PCDHGB2: variants seen among roughly 807,000 people sequenced by gnomAD.
PCDHGB2 encodes protocadherin gamma-B2.
PCDHGB2 carries 55 observed loss-of-function variants against 59.3 expected under a neutral mutation model. That is an observed-to-expected ratio of 0.93 (90% CI 0.75 to 1.16). PCDHGB2 has a LOEUF of 1.16. Among genes scored for constraint, PCDHGB2 ranks in the 50% most tolerant of loss-of-function variants. The probability of loss-of-function intolerance (pLI) is 0.00; values close to 1 mark genes in which losing one functional copy is unlikely to be tolerated. For missense variants in PCDHGB2, 1,228 were observed against 1,198.5 expected, an observed-to-expected ratio of 1.02 and a Z score of -0.36; for synonymous variants, 516 against 512.0, an observed-to-expected ratio of 1.01 and a Z score of -0.11.
At position 141,430,830 on chromosome 5, in the gene PCDHGB2, G is replaced by A. The variant is rs754181300; in HGVS notation, c.2422-63977G>A. The stretch of plus-strand genomic sequence containing the variant: ...CTGGGAATCCTCCTGGGGACTCTGT[G>A]GGAGACCGGATGCACCCAGATACGC... On this transcript the variant is annotated intron_variant, in intron 1 of 3. Coordinates refer to ENST00000522605, the MANE Select transcript of PCDHGB2 (RefSeq NM_018923.3). 8 of 1,554,850 alleles carry A rather than the reference G, an allele frequency of 5.1e-6. No homozygotes were observed. The East Asian group carries it at 1.6e-4, about 31-fold the overall frequency.
At chr5:141,439,207 C>A (rs1003519997) in intron 1 of PCDHGB2, among the ~76,000 whole-genome samples, 1 of 149,828 alleles carries the variant, frequency 6.7e-6, no homozygotes, top group Non-Finnish European at 1.5e-5. Context: ...AAAAAAAAAT[C>A]CATATGTGAA....
In PCDHGB2 at chr5:141,419,332, C is replaced by T. The variant is rs1356380695; in HGVS notation, c.2421+56776C>T. On this transcript the variant is annotated intron_variant, in intron 1 of 3. Transcript: ENST00000522605. Reference sequence around the variant, plus strand: ...TCAACGGCCGTGTCTCCTACTCTCTCATTGCCAGCGACCTGGAGTCACGAA... The same window carrying T: ...TCAACGGCCGTGTCTCCTACTCTCTTATTGCCAGCGACCTGGAGTCACGAA... 3.7e-6 allele frequency: 6 copies of T among 1,613,832 alleles called. No individual in the cohort carries two copies. The Admixed American group carries it at 8.3e-5, about 22-fold the overall frequency.
Position 141,361,862 on chromosome 5 carries a change from A to G in PCDHGB2, c.1727A>G (p.Asp576Gly), listed in dbSNP as rs529050420. 1 of 1,611,966 alleles carries G rather than the reference A, an allele frequency of 6.2e-7. No individual in the cohort carries two copies. Among genetic ancestry groups the G allele is most frequent in the East Asian group, 2.2e-5 (1 of 44,858 alleles). Residue 576 changes from aspartate (D) to glycine (G), a missense_variant, in exon 1 of 4, where the codon GAT becomes GGT. Around this residue, in one of 3 missense-constraint regions of PCDHGB2, gnomAD observed 14 missense variants for 35.2 expected, o/e 0.40. Transcript: ENST00000522605. ...ALGPDGSALF[D>G]MVPRAAEPGY... ...GGGCCTGATGGCTCCGCCCTCTTCGATATGGTGCCACGCGCCGCAGAGCCC... is the reference window on the plus strand; with the variant it reads ...GGGCCTGATGGCTCCGCCCTCTTCGGTATGGTGCCACGCGCCGCAGAGCCC...
At position 141,494,787 on chromosome 5, in the gene PCDHGB2, T is replaced by G. The variant is rs763990551; in HGVS notation, c.2422-20T>G. The G allele has an allele frequency of 6.2e-7, 1 of 1,614,044 alleles. No individual in the cohort carries two copies. Among genetic ancestry groups the G allele is most frequent in the Non-Finnish European group, 8.5e-7 (1 of 1,179,990 alleles). On this transcript the variant is annotated intron_variant, in intron 1 of 3. Transcript: ENST00000522605. ...ACTTCTCACGGGTACTCAGCCCCTT[T>G]CCCTCTGTTTTCTCCACAGCAAGCC...
intron 1 of PCDHGB2, chr5:141,405,012 C>T (rs748403581): frequency 1.2e-6 from 2 of 1,614,018 alleles, no homozygotes; most frequent in Non-Finnish European, 8.5e-7. Context: ...CTGGAGGCCT[C>T]AGACCTTACC....
intron 1 of PCDHGB2, chr5:141,475,997 G>T: frequency 8.4e-7 from 1 of 1,184,406 alleles, no homozygotes; most frequent in Non-Finnish European, 1.2e-6. Flanking sequence ...CAAATCAACG[G>T]CATCCAGAAA....
chr5:141,386,009 G>T (rs956571005), intron 1 of PCDHGB2: 7 of 152,222 alleles, frequency 4.6e-5, no homozygotes, highest in Non-Finnish European at 8.8e-5. Context: ...CATTTTAAGT[G>T]TTGTAATTGG....
intron 1 of PCDHGB2, chr5:141,366,233 A>T (rs1354193643): frequency 6.2e-7 from 1 of 1,613,792 alleles, no homozygotes; most frequent in Admixed American, 1.7e-5. Flanking sequence ...CCTGCTGGAC[A>T]GAGACGCGCT....
At chr5:141,408,747 T>C (rs1589683971) in intron 1 of PCDHGB2, 1 of 1,609,868 alleles carries the variant, frequency 6.2e-7, no homozygotes, top group Non-Finnish European at 8.5e-7. Flanking sequence ...TCATTAATGG[T>C]TAGAGTTAAT....
intron 1 of PCDHGB2, chr5:141,405,448 C>A: frequency 5.3e-6 from 7 of 1,314,660 alleles, no homozygotes; most frequent in South Asian, 1.3e-5. Context: ...GAGACAGAGT[C>A]TTACTCTGTT....
At chr5:141,445,838 A>T (rs1302150397) in intron 1 of PCDHGB2, among the ~76,000 whole-genome samples, 1 of 152,218 alleles carries the variant, frequency 6.6e-6, no homozygotes, top group South Asian at 2.1e-4. Flanking sequence ...GAGCCTTGTA[A>T]ATCACACTTA....
At chr5:141,376,477 T>C (rs550916604) in intron 1 of PCDHGB2, 1 of 1,614,200 alleles carries the variant, frequency 6.2e-7, no homozygotes, top group African/African-American at 1.3e-5. Context: ...AGGATTTACT[T>C]GAAACGAAAG....
intron 1 of PCDHGB2, chr5:141,403,564 G>A (rs2094422320): frequency 2.5e-6 from 4 of 1,613,834 alleles, no homozygotes; most frequent in Non-Finnish European, 2.5e-6. Context: ...ACAGGGAGGA[G>A]GCAACTGCCC....
chr5:141,379,104 A>C (rs955091727), intron 1 of PCDHGB2: 1 of 152,246 alleles, frequency 6.6e-6, no homozygotes, highest in Admixed American at 6.5e-5. Flanking sequence ...AGAAAAAAGC[A>C]ATTGAGAAGA....
At chr5:141,504,511 CTCTGATAT>C (rs2099838890) in intron 2 of PCDHGB2, among the ~76,000 whole-genome samples, 1 of 151,902 alleles carries the variant, frequency 6.6e-6, no homozygotes, top group Non-Finnish European at 1.5e-5. Flanking sequence ...AGTGGATCTC[CTCTGATAT>C]ATTTTATTCG....
intron 1 of PCDHGB2, among the ~76,000 whole-genome samples, chr5:141,368,452 C>T (rs75043959): frequency 0.049 from 7,512 of 151,972 alleles, 218 homozygotes; most frequent in Admixed American, 0.079. Flanking sequence ...ACAAACTCAC[C>T]GAATAGTGAA....
chr5:141,381,555 T>C (rs992456160), intron 1 of PCDHGB2, among the ~76,000 whole-genome samples: 2 of 152,192 alleles, frequency 1.3e-5, no homozygotes, highest in African/African-American at 4.8e-5. Flanking sequence ...TTGAATTGAA[T>C]TGCATAATGA....
At chr5:141,376,144 G>A (rs753001081) in intron 1 of PCDHGB2, 6 of 1,613,800 alleles carry the variant, frequency 3.7e-6, no homozygotes, top group South Asian at 1.1e-5. Context: ...CCAACGATTC[G>A]GACCTCACTC....
chr5:141,483,730 T>G (rs999201456), intron 1 of PCDHGB2, among the ~76,000 whole-genome samples: 1 of 152,014 alleles, frequency 6.6e-6, no homozygotes, highest in Non-Finnish European at 1.5e-5. Flanking sequence ...CCCACCATAG[T>G]CAAAAGGATA....
Sources: allele counts gnomAD v4.1 joint callset (sites outside exome capture counted in the v4.1 genomes callset), GRCh38; gene constraint gnomAD v4.1.1; regional missense constraint gnomAD v4.1.1; transcripts MANE v1.5; gene names NCBI Gene and HGNC (gene_info 2026-07-23, HGNC 2026-07-21).